The following IGLL5 variants were observed in gnomAD, a reference collection of about 807,000 sequenced individuals.
IGLL5 encodes the protein immunoglobulin lambda like polypeptide 5, also known as immunoglobulin lambda-like polypeptide 5.
IGLL5 carries 30 observed loss-of-function variants against 20.9 expected under a neutral mutation model. That is an observed-to-expected ratio of 1.44 (90% confidence interval 1.07 to 1.95). IGLL5 has a LOEUF of 1.95. Ranked by LOEUF, IGLL5 falls within the 30% of genes most tolerant of loss-of-function variation. The pLI, the probability that IGLL5 is intolerant of heterozygous loss-of-function variation, is 0.00. For missense variants in IGLL5, 475 were observed against 270.7 expected (o/e 1.75, Z -5.30); for synonymous variants, 203 against 117.3 (o/e 1.73, Z -4.72).
In IGLL5 at chr22:22,893,803, A is replaced by C. The variant is rs780923511; in HGVS notation, c.310A>C (p.Lys104Gln). The C allele has an allele frequency of 9.9e-6, 16 of 1,609,868 alleles. No individual in the cohort carries two copies. The highest frequency in any genetic ancestry group is 1.7e-4 in the Middle Eastern group (1 of 6,012). The part of the protein sequence containing the change: ...SLCYVFGTGT[K>Q]VTVLGQPKAN... ...GTGTTATGTCTTCGGAACTGGGACC[A>C]AGGTCACCGTCCTAGGTAAGTGGCT... is the stretch of plus-strand genomic sequence containing the variant. The change falls in exon 2 of 3, where the codon AAG (lysine) becomes CAG (glutamine). Residue 104 changes from lysine to glutamine, a missense_variant. By Grantham distance (53) the Lys-to-Gln change is moderately conservative. Transcript: ENST00000526893.
chr22:22,895,724 C>A lies in IGLL5; in HGVS notation c.*30C>A, dbSNP rs377513170. The A allele has an allele frequency of 1.1e-5, 18 of 1,608,430 alleles. No homozygotes were observed. The highest frequency in any genetic ancestry group is 3.3e-5 in the Admixed American group (2 of 59,866). ...CCAACTCTAACCCCACCCACGGGAG[C>A]CTGGAGCTGCAGGATCCCAGGGGAG... On this transcript the variant is annotated 3_prime_UTR_variant, in exon 3 of 3. Transcript: ENST00000526893.
rs537093879 is a variant in IGLL5, at chr22:22,895,908, A to T, written c.*214A>T. ...GGGTTCTCAGTGTGGGGTACAGGGAATTCTGCACCCAGTGTGAAAATCACC... is the reference window on the plus strand; with the variant it reads ...GGGTTCTCAGTGTGGGGTACAGGGATTTCTGCACCCAGTGTGAAAATCACC... On this transcript the variant is annotated 3_prime_UTR_variant, in exon 3 of 3. Coordinates refer to ENST00000526893, the MANE Select transcript of IGLL5 (RefSeq NM_001178126.2). 1.6e-6 allele frequency: 1 copy of T among 615,998 alleles called. No individual in the cohort carries two copies. Among genetic ancestry groups the T allele is most frequent in the African/African-American group, 1.9e-5 (1 of 53,836 alleles). 38.2% of individuals were successfully genotyped at this position (615,998 alleles called of 1,614,324 possible).
chr22:22,888,128 CCTGCTG>C lies in IGLL5; in HGVS notation c.82_87del (p.Leu28_Leu29del). On this transcript the variant is annotated inframe_deletion, in exon 1 of 3. Coordinates refer to ENST00000526893, the MANE Select transcript of IGLL5 (RefSeq NM_001178126.2). ...GCCCTGGTCCCAGGCAGCGCTGGCCCCTGCTGCTGCTGGGTCTGGCCATGGTCGCCC... is the reference window on the plus strand; with the variant it reads ...GCCCTGGTCCCAGGCAGCGCTGGCCCCTGCTGGGTCTGGCCATGGTCGCCC... 6.5e-7 allele frequency: 1 copy of C among 1,549,556 alleles called. No individual in the cohort carries two copies. Among genetic ancestry groups the C allele is most frequent in the Non-Finnish European group, 8.7e-7 (1 of 1,146,694 alleles).
chr22:22,894,702 G>T (rs2066685000), intron 2 of IGLL5, among the ~76,000 whole-genome samples: 1 of 151,360 alleles, frequency 6.6e-6, no homozygotes. Flanking sequence ...GAGTCTCATA[G>T]TCTGTGGGAG....
intron 1 of IGLL5, among the ~76,000 whole-genome samples, chr22:22,891,228 TA>T (rs1312500910): frequency 6.6e-6 from 1 of 150,748 alleles, no homozygotes; most frequent in Non-Finnish European, 1.5e-5. Context: ...ATTGGTGTTT[TA>T]TTTTTTTTTC....
intron 1 of IGLL5, among the ~76,000 whole-genome samples, chr22:22,890,690 A>G (rs1282956523): frequency 1.3e-5 from 2 of 150,496 alleles, no homozygotes; most frequent in East Asian, 2.1e-4. Flanking sequence ...TTGAAATCTT[A>G]TAGGTAGTGT....
chr22:22,894,883 A>G (rs2066705072), intron 2 of IGLL5, among the ~76,000 whole-genome samples: 2 of 151,362 alleles, frequency 1.3e-5, no homozygotes, highest in East Asian at 2.0e-4. Flanking sequence ...AGGGATAGGA[A>G]GCTCCAGTTC....
intron 2 of IGLL5, among the ~76,000 whole-genome samples, chr22:22,894,961 C>T (rs2066711610): frequency 6.6e-6 from 1 of 151,372 alleles, no homozygotes; most frequent in Admixed American, 6.6e-5. Context: ...AGGGGACCCA[C>T]AGTTCACGGA....
At chr22:22,894,823 T>A (rs1601628825) in intron 2 of IGLL5, among the ~76,000 whole-genome samples, 1 of 151,208 alleles carries the variant, frequency 6.6e-6, no homozygotes, top group Non-Finnish European at 1.5e-5. Context: ...AGCCCACTCC[T>A]TGCCAGGAGA....
At chr22:22,888,881 T>C (rs544198455) in intron 1 of IGLL5, among the ~76,000 whole-genome samples, 2 of 151,312 alleles carry the variant, frequency 1.3e-5, no homozygotes, top group African/African-American at 2.4e-5. Context: ...CCCTCTGGGA[T>C]GATGCCCAGG....
intron 1 of IGLL5, among the ~76,000 whole-genome samples, chr22:22,888,686 C>T (rs561854961): frequency 1.3e-5 from 2 of 151,388 alleles, no homozygotes; most frequent in East Asian, 4.1e-4. Context: ...GGGCCACTCC[C>T]TGGAGAAGGC....
chr22:22,888,645 T>C (rs535204237), intron 1 of IGLL5, among the ~76,000 whole-genome samples: 3 of 151,188 alleles, frequency 2.0e-5, no homozygotes, highest in South Asian at 2.1e-4. Context: ...TCCTCCTCTC[T>C]GCCCATGTGC....
rs144126173 is a variant in IGLL5 at position 22,894,454 on chromosome 22, G to A, written c.325+636G>A. On this transcript the variant is annotated intron_variant, in intron 2 of 2. Coordinates refer to ENST00000526893, the MANE Select transcript of IGLL5 (RefSeq NM_001178126.2). ...GAGGTGCCAGAATCCAACCCTCCCA[G>A]GACAGTCACCAGAAAGGAGACAGTC... Among the ~76,000 whole-genome samples, 7 of 151,478 alleles carry A rather than the reference G, an allele frequency of 4.6e-5. No individual in the cohort carries two copies. The South Asian group carries it at 6.3e-4, about 14-fold the overall frequency.
chr22:22,888,388 G>A (rs533467906), intron 1 of IGLL5, 129 bp downstream of exon 1: 22 of 737,254 alleles, frequency 3.0e-5, no homozygotes, highest in Admixed American at 1.7e-4. Flanking sequence ...GCTGACACTG[G>A]CTTTAGTAAT....
At chr22:22,894,930 G>A (rs559077389) in intron 2 of IGLL5, among the ~76,000 whole-genome samples, 1 of 151,476 alleles carries the variant, frequency 6.6e-6, no homozygotes, top group Non-Finnish European at 1.5e-5. Flanking sequence ...CTGCCTGCCA[G>A]GACAGTCCTA....
chr22:22,889,043 C>T (rs1455310216), intron 1 of IGLL5, among the ~76,000 whole-genome samples: 2 of 151,324 alleles, frequency 1.3e-5, no homozygotes, highest in South Asian at 2.1e-4. Flanking sequence ...TGCACCATTC[C>T]CAGTCCAGGA....
intron 2 of IGLL5, among the ~76,000 whole-genome samples, chr22:22,894,090 T>C (rs2067980353): frequency 2.0e-5 from 3 of 151,464 alleles, no homozygotes; most frequent in East Asian, 2.0e-4. Context: ...GGCAGATGTC[T>C]GAGTGAGGGA....
chr22:22,888,525 A>T (rs558491823), intron 1 of IGLL5, among the ~76,000 whole-genome samples: 4 of 151,332 alleles, frequency 2.6e-5, no homozygotes, highest in Admixed American at 1.3e-4. Context: ...CAGTGCCTCA[A>T]TCACCTAGTC....
In IGLL5 at chr22:22,888,035, C is replaced by A. The variant is rs547538853; in HGVS notation, c.-19C>A. The A allele has an allele frequency of 6.5e-7, 1 of 1,545,492 alleles. No individual in the cohort carries two copies. On this transcript the variant is annotated 5_prime_UTR_variant, in exon 1 of 3. Transcript: ENST00000526893. ...CATGCTGCAAGTCGGGCCAGAGGTGCCCCTGAACCTGAAGGCCAATGAGAC... is the reference window on the plus strand; with the variant it reads ...CATGCTGCAAGTCGGGCCAGAGGTGACCCTGAACCTGAAGGCCAATGAGAC...
Sources: gnomAD v4.1 joint callset for allele counts (sites outside exome capture counted in the v4.1 genomes callset) on GRCh38, gnomAD v4.1.1 for gene constraint, MANE v1.5 for transcripts, NCBI Gene and HGNC (gene_info 2026-07-23, HGNC 2026-07-21) for gene names.